SUFU: variants seen among roughly 807,000 people sequenced by gnomAD.
SUFU encodes the protein suppressor of fused homolog.
In SUFU, 7 loss-of-function variants were observed where a neutral mutation model predicts 58.9. That is an observed-to-expected ratio of 0.12 (90% confidence interval 0.07 to 0.22). SUFU has a LOEUF of 0.22. Ranked by LOEUF, SUFU falls within the 10% of genes least tolerant of loss-of-function variation. The probability of loss-of-function intolerance (pLI) is 1.00; values close to 1 mark genes in which losing one functional copy is unlikely to be tolerated. For missense variants in SUFU, 451 were observed against 641.3 expected, an observed-to-expected ratio of 0.70 and a Z score of 3.20; for synonymous variants, 232 against 254.8, an observed-to-expected ratio of 0.91 and a Z score of 0.85.
chr10:102,608,240 A>T (rs190636053), intron 8 of SUFU, among the ~76,000 whole-genome samples: 4 of 148,718 alleles, frequency 2.7e-5, no homozygotes, highest in South Asian at 2.1e-4. Context: ...CAAAAAAAAA[A>T]TTTAAGGAAA....
chr10:102,520,401 G>A (rs2062537761), intron 2 of SUFU, among the ~76,000 whole-genome samples: 2 of 151,322 alleles, frequency 1.3e-5, no homozygotes, highest in East Asian at 2.0e-4. Flanking sequence ...TGTATGTTTA[G>A]TAGAGATGGG....
rs1021363295 is a variant in SUFU, at chr10:102,592,872, G to C, written c.597+148G>C. The C allele has an allele frequency of 7.5e-6, 7 of 931,634 alleles. No individual in the cohort carries two copies. In the African/African-American group the frequency reaches 8.1e-5, roughly 11 times the overall value. 57.7% of individuals were successfully genotyped at this position (931,634 alleles called of 1,614,324 possible). On this transcript the variant is annotated intron_variant, in intron 4 of 11. Transcript: ENST00000369902. ...GTTTCCTCTGATGGTTTGTCAGGTA[G>C]ATTCAGATGGTCTGATTTAACCTGC...
intron 2 of SUFU, among the ~76,000 whole-genome samples, chr10:102,525,585 C>A (rs1033555070): frequency 2.6e-5 from 4 of 152,198 alleles, no homozygotes; most frequent in African/African-American, 9.7e-5. Flanking sequence ...TCACTGCAAC[C>A]TCTGCCTCCT....
chr10:102,507,343 A>G (rs1037886574), intron 1 of SUFU, among the ~76,000 whole-genome samples: 4 of 152,210 alleles, frequency 2.6e-5, no homozygotes, highest in African/African-American at 9.6e-5. Context: ...AATTTGCAGC[A>G]GGAAACTGGA....
At chr10:102,571,837 C>CT (rs200143642) in intron 3 of SUFU, among the ~76,000 whole-genome samples, 4 of 152,212 alleles carry the variant, frequency 2.6e-5, no homozygotes, top group Non-Finnish European at 4.4e-5. Flanking sequence ...CTTTTCTTTT[C>CT]TTTTTTTTCC....
rs564999084 is a variant in SUFU at position 102,522,719 on chromosome 10, G to C, written c.317+13416G>C. On this transcript the variant is annotated intron_variant, in intron 2 of 11. Transcript: ENST00000369902. Reference sequence around the variant, plus strand: ...TGTCCTTTCCTAGCACTGGGTTGTGGGTAAGCAGACACACTTAGTTCCCAT... The same window carrying C: ...TGTCCTTTCCTAGCACTGGGTTGTGCGTAAGCAGACACACTTAGTTCCCAT... Among the ~76,000 whole-genome samples the C allele has an allele frequency of 4.1e-4, 62 of 152,250 alleles. 1 individual carries two copies. The South Asian group carries it at 7.2e-3, about 18-fold the overall frequency.
chr10:102,544,509 T>C (rs761240137), intron 2 of SUFU, among the ~76,000 whole-genome samples: 6 of 152,150 alleles, frequency 3.9e-5, no homozygotes, highest in Non-Finnish European at 8.8e-5. Context: ...GAGACCAACC[T>C]GGCCAACATG....
upstream of SUFU, chr10:102,503,955 C>A: frequency 1.4e-6 from 1 of 722,216 alleles, no homozygotes; most frequent in South Asian, 2.5e-5. Context: ...CCCCGCCGCC[C>A]CGAGGCACCC....
chr10:102,561,085 C>T lies in SUFU; in HGVS notation c.454+10979C>T, dbSNP rs548296394. On this transcript the variant is annotated intron_variant, in intron 3 of 11. Transcript: ENST00000369902. Reference sequence around the variant, plus strand: ...CTCGAACTCCTGACCTCAGGTGATCCGCCCGCCTTGGCCTCCCAAAGTGCT... The same window carrying T: ...CTCGAACTCCTGACCTCAGGTGATCTGCCCGCCTTGGCCTCCCAAAGTGCT... Among the ~76,000 whole-genome samples, 238 of 152,272 alleles carry T rather than the reference C, an allele frequency of 1.6e-3. 3 individuals carry two copies. The highest frequency in any genetic ancestry group is 5.4e-3 in the African/African-American group (224 of 41,550).
At chr10:102,515,214 C>T (rs1257213365) in intron 2 of SUFU, among the ~76,000 whole-genome samples, 1 of 152,196 alleles carries the variant, frequency 6.6e-6, no homozygotes, top group Non-Finnish European at 1.5e-5. Flanking sequence ...TATTAAAACA[C>T]TGGATACAGA....
intron 3 of SUFU, among the ~76,000 whole-genome samples, chr10:102,551,006 G>A (rs1181852558): frequency 6.6e-6 from 1 of 152,122 alleles, no homozygotes; most frequent in Non-Finnish European, 1.5e-5. Context: ...GCCTCCCAAA[G>A]TGCTGGGATT....
intron 8 of SUFU, among the ~76,000 whole-genome samples, 170 bp downstream of exon 8, chr10:102,599,714 G>T (rs1361547498): frequency 6.6e-6 from 1 of 152,234 alleles, no homozygotes; most frequent in Non-Finnish European, 1.5e-5. Context: ...CTATCTGTGG[G>T]TCATAGGAGA....
intron 2 of SUFU, among the ~76,000 whole-genome samples, chr10:102,542,864 A>G (rs896350964): frequency 1.3e-5 from 2 of 152,068 alleles, no homozygotes; most frequent in African/African-American, 4.8e-5. Flanking sequence ...GGCTCAAGCA[A>G]TCTACCGGCT....
At chr10:102,529,989 C>T (rs932950722) in intron 2 of SUFU, among the ~76,000 whole-genome samples, 14 of 152,080 alleles carry the variant, frequency 9.2e-5, no homozygotes, top group African/African-American at 3.1e-4. Context: ...CACTAACTGC[C>T]GTGGAAGGGC....
At chr10:102,614,800 C>G (rs1276527639) in intron 8 of SUFU, among the ~76,000 whole-genome samples, 2 of 149,168 alleles carry the variant, frequency 1.3e-5, no homozygotes, top group Admixed American at 6.7e-5. Flanking sequence ...TGCTTGAACC[C>G]AGGAGGCGGA....
At chr10:102,545,486 T>C in intron 2 of SUFU, among the ~76,000 whole-genome samples, 1 of 152,104 alleles carries the variant, frequency 6.6e-6, no homozygotes, top group East Asian at 1.9e-4. Flanking sequence ...CTGGATCATA[T>C]GGTGACTCTG....
At chr10:102,575,655 C>T (rs2063205315) in intron 3 of SUFU, among the ~76,000 whole-genome samples, 1 of 152,196 alleles carries the variant, frequency 6.6e-6, no homozygotes, top group Admixed American at 6.5e-5. Context: ...TGAGTTTCAA[C>T]ATACCTTTTG....
In SUFU at chr10:102,617,346, C is replaced by A; in HGVS notation, c.1214C>A (p.Ala405Asp). The A allele has an allele frequency of 6.2e-7, 1 of 1,614,222 alleles. No homozygotes were observed. The highest frequency in any genetic ancestry group is 8.5e-7 in the Non-Finnish European group (1 of 1,180,040). Residue 405 changes from alanine (A) to aspartate (D), a missense_variant, in exon 10 of 12, where the codon GCC (alanine) becomes GAC (aspartate). By Grantham distance (126) the Ala-to-Asp change is moderately radical. Coordinates refer to ENST00000369902, the MANE Select transcript of SUFU (RefSeq NM_016169.4). This position sits in a 1 kb window ranked among gnomAD's most constrained non-coding sequence, Gnocchi z 4.4. The part of the protein sequence containing the change: ...FTYKSITGDM[A>D]ITFVSTGVEG... ...TATAAAAGTATCACAGGTGACATGGCCATCACGTTTGTCTCCACGGGAGTG... is the reference window on the plus strand; with the variant it reads ...TATAAAAGTATCACAGGTGACATGGACATCACGTTTGTCTCCACGGGAGTG...
chr10:102,507,198 C>T (rs2062338172), intron 1 of SUFU, among the ~76,000 whole-genome samples: 1 of 152,166 alleles, frequency 6.6e-6, no homozygotes, highest in African/African-American at 2.4e-5. Flanking sequence ...AAGCTTCTCT[C>T]CTTGATGTGA....
Sources: allele counts gnomAD v4.1 joint callset (sites outside exome capture counted in the v4.1 genomes callset), GRCh38; gene constraint gnomAD v4.1.1; non-coding constraint Gnocchi (gnomAD v3.1); transcripts MANE v1.5; gene names NCBI Gene and HGNC (gene_info 2026-07-23, HGNC 2026-07-21).